Variants in DSG2 observed in about 807,000 individuals in gnomAD.
The protein encoded by DSG2 is desmoglein 2.
Under a neutral mutation model 75.6 loss-of-function variants are expected in DSG2, and 45 were observed. That is an observed-to-expected ratio of 0.60 (90% CI 0.47 to 0.76). The LOEUF (loss-of-function observed/expected upper bound fraction) is 0.76. DSG2 is among the 30% of genes least tolerant of loss of function. The pLI is 0.00. For synonymous variants in DSG2, 429 were observed against 483.9 expected (o/e 0.89, Z 1.49); for missense variants, 1,267 against 1,357.4 (o/e 0.93, Z 1.05).
At chr18:31,525,636 G>C (rs1421274605) in intron 8 of DSG2, among the ~76,000 whole-genome samples, 2 of 152,056 alleles carry the variant, frequency 1.3e-5, no homozygotes, top group Non-Finnish European at 2.9e-5. Flanking sequence ...TCATAAAACT[G>C]CATGCCAAAA....
intron 1 of DSG2, among the ~76,000 whole-genome samples, chr18:31,515,095 T>C (rs944239167): frequency 5.3e-5 from 8 of 152,158 alleles, no homozygotes; most frequent in South Asian, 4.1e-4. Flanking sequence ...GCAAGAAATA[T>C]ATTAAATTTT....
chr18:31,546,853 C>T lies in DSG2; in HGVS notation c.*110C>T, dbSNP rs2073316092. On this transcript the variant is annotated 3_prime_UTR_variant, in exon 15 of 15. Coordinates refer to ENST00000261590, the MANE Select transcript of DSG2 (RefSeq NM_001943.5). ...TTACAGACACACAGAGACACATACA[C>T]ATTGATCTTAAAATTTTTCTCAGTC... 8.2e-7 allele frequency: 1 copy of T among 1,225,702 alleles called. No individual in the cohort carries two copies. The highest frequency in any genetic ancestry group is 1.2e-6 in the Non-Finnish European group (1 of 835,530). The allele number at this position is 1,225,702 out of a possible 1,614,324, so 75.9% of individuals were successfully genotyped here.
In DSG2 at chr18:31,501,062, T is replaced by C. The variant is rs2073011072; in HGVS notation, c.45+2766T>C. Among the ~76,000 whole-genome samples the C allele has an allele frequency of 1.3e-5, 2 of 152,236 alleles. 1 individual carries two copies. The highest frequency in any genetic ancestry group is 4.1e-4 in the South Asian group (2 of 4,834). ...TACCATTTATTCTGAACATCACTAA[T>C]AGACTTTCTACTAGATCTTTTACTT... On this transcript the variant is annotated intron_variant, in intron 1 of 14. Transcript: ENST00000261590.
At chr18:31,511,548 T>C (rs868071748) in intron 1 of DSG2, among the ~76,000 whole-genome samples, 12 of 152,226 alleles carry the variant, frequency 7.9e-5, no homozygotes, top group African/African-American at 2.7e-4. Flanking sequence ...AGTTCCACAA[T>C]TGACAAAATG....
chr18:31,532,563 A>T (rs2073204918), intron 9 of DSG2, among the ~76,000 whole-genome samples: 1 of 152,190 alleles, frequency 6.6e-6, no homozygotes, highest in South Asian at 2.1e-4. Flanking sequence ...CCTTTTAGTG[A>T]ATCGCCTTTT....
intron 6 of DSG2, chr18:31,522,481 T>C (rs1568105853): frequency 2.5e-6 from 1 of 397,002 alleles, no homozygotes; most frequent in Non-Finnish European, 4.6e-6. Context: ...GAATGTGTAA[T>C]ATATGCACCA....
Position 31,498,223 on chromosome 18 carries a change from C to T in DSG2, c.-29C>T, listed in dbSNP as rs1407428508. ...GGGCAGGCGGCGGCGCGGAGCGGTG[C>T]GGCGGCGGGAGGCGGAGGCGAGGGT... On this transcript the variant is annotated 5_prime_UTR_variant, in exon 1 of 15. Coordinates refer to ENST00000261590, the MANE Select transcript of DSG2 (RefSeq NM_001943.5). 7.2e-6 allele frequency: 9 copies of T among 1,247,852 alleles called. No homozygotes were observed. Among genetic ancestry groups the T allele is most frequent in the Non-Finnish European group, 9.1e-6 (9 of 993,792 alleles). The allele number at this position is 1,247,852 out of a possible 1,614,324, so 77.3% of individuals were successfully genotyped here.
chr18:31,503,847 G>A (rs2073026108), intron 1 of DSG2, among the ~76,000 whole-genome samples: 1 of 152,102 alleles, frequency 6.6e-6, no homozygotes, highest in South Asian at 2.1e-4. Flanking sequence ...AGTGCCTGAG[G>A]ATGCCCCTGG....
rs377662063 is a variant in DSG2 at position 31,531,260 on chromosome 18, A to G, written c.1280+8A>G. On this transcript the variant is annotated splice_region_variant and intron_variant, in intron 9 of 14. Transcript: ENST00000261590. Reference sequence around the variant, plus strand: ...ACTACCAGCCCATGCAAGGTAAGAGAGAGTGACACGTGTATTTCTTTATTT... The same window carrying G: ...ACTACCAGCCCATGCAAGGTAAGAGGGAGTGACACGTGTATTTCTTTATTT... 2.1e-5 allele frequency: 34 copies of G among 1,613,906 alleles called. No homozygotes were observed. The highest frequency in any genetic ancestry group is 2.6e-5 in the Non-Finnish European group (31 of 1,179,962).
chr18:31,500,869 A>G (rs1039767098), intron 1 of DSG2, among the ~76,000 whole-genome samples: 43 of 152,250 alleles, frequency 2.8e-4, no homozygotes, highest in Non-Finnish European at 5.6e-4. Context: ...GAGTTCCTAG[A>G]GATGGCAAGG....
In DSG2 at chr18:31,546,711, A is replaced by G; in HGVS notation, c.3325A>G (p.Lys1109Glu). Residue 1109 changes from lysine (K) to glutamate (E), a missense_variant, in exon 15 of 15, where the codon AAG (lysine) becomes GAG (glutamate). Lys to Glu is a moderately conservative substitution (Grantham distance 56). Transcript: ENST00000261590. ...AACCACATCTTCCACCAGAGTTACC[A>G]AGCATAGCACTGTACAGCATTCTTA... ...TITTSSTRVT[K>E]HSTVQHSYS The G allele has an allele frequency of 2.5e-6, 4 of 1,614,174 alleles. No individual in the cohort carries two copies. Among genetic ancestry groups the G allele is most frequent in the Non-Finnish European group, 3.4e-6 (4 of 1,180,026 alleles).
chr18:31,531,244 C>A lies in DSG2; in HGVS notation c.1272C>A (p.Ala424=). The A allele has an allele frequency of 6.2e-7, 1 of 1,614,106 alleles. No homozygotes were observed. The highest frequency in any genetic ancestry group is 8.5e-7 in the Non-Finnish European group (1 of 1,180,004). The change falls in exon 9 of 15, where the codon GCC becomes GCA. Residue 424 remains alanine, a synonymous_variant. Coordinates refer to ENST00000261590, the MANE Select transcript of DSG2 (RefSeq NM_001943.5). ...TTGATGAGGACACTGGACTACCAGC[C>A]CATGCAAGGTAAGAGAGAGTGACAC... ...QAFDEDTGLP[A]HARYVKLEDR... is the part of the protein sequence containing the mutation.
intron 9 of DSG2, among the ~76,000 whole-genome samples, chr18:31,534,814 C>T (rs948213126): frequency 2.6e-5 from 4 of 151,974 alleles, no homozygotes; most frequent in African/African-American, 9.7e-5. Flanking sequence ...CTGGCCCCTG[C>T]GATCATTGAT....
intron 1 of DSG2, among the ~76,000 whole-genome samples, chr18:31,509,725 C>T (rs2073056901): frequency 1.3e-5 from 2 of 152,188 alleles, no homozygotes; most frequent in Non-Finnish European, 2.9e-5. Context: ...CTCACTGGTC[C>T]ACCCTGACTG....
At chr18:31,533,240 A>C (rs1367516623) in intron 9 of DSG2, among the ~76,000 whole-genome samples, 1 of 152,174 alleles carries the variant, frequency 6.6e-6, no homozygotes, top group Non-Finnish European at 1.5e-5. Flanking sequence ...AATCCGAGGC[A>C]GGAGGATCAC....
At chr18:31,509,068 A>C (rs894266856) in intron 1 of DSG2, among the ~76,000 whole-genome samples, 4 of 152,214 alleles carry the variant, frequency 2.6e-5, no homozygotes, top group Admixed American at 1.3e-4. Context: ...AGAAGATTAA[A>C]TATTAAAAAG....
At chr18:31,544,833 A>C (rs2073294074) in intron 14 of DSG2, among the ~76,000 whole-genome samples, 1 of 152,198 alleles carries the variant, frequency 6.6e-6, no homozygotes, top group Admixed American at 6.5e-5. Flanking sequence ...ATGAGAATGG[A>C]CAGAGTTGGA....
In DSG2 at chr18:31,522,123, G is replaced by A. The variant is rs1326016998; in HGVS notation, c.564G>A (p.Glu188=). 2 of 1,613,758 alleles carry A rather than the reference G, an allele frequency of 1.2e-6. No individual in the cohort carries two copies. Among genetic ancestry groups the A allele is most frequent in the Non-Finnish European group, 1.7e-6 (2 of 1,179,858 alleles). ...VMKINATDAD[E]PNTLNSKISY... Reference sequence around the variant, plus strand: ...AAATCAATGCAACAGATGCAGATGAGCCCAATACCCTGAATTCGAAAATTT... The same window carrying A: ...AAATCAATGCAACAGATGCAGATGAACCCAATACCCTGAATTCGAAAATTT... Residue 188 remains glutamate (E), a synonymous_variant, in exon 6 of 15, where the codon GAG becomes GAA. Transcript: ENST00000261590.
Position 31,546,771 on chromosome 18 carries a change from A to G in DSG2, c.*28A>G, listed in dbSNP as rs569977829. On this transcript the variant is annotated 3_prime_UTR_variant, in exon 15 of 15. Coordinates refer to ENST00000261590, the MANE Select transcript of DSG2 (RefSeq NM_001943.5). Reference sequence around the variant, plus strand: ...AGCAGTCAGCCACAAACTGACCCAGAGTTTAATTAGCAGTGACTAATTTCA... The same window carrying G: ...AGCAGTCAGCCACAAACTGACCCAGGGTTTAATTAGCAGTGACTAATTTCA... 6.2e-7 allele frequency: 1 copy of G among 1,606,608 alleles called. No homozygotes were observed. The highest frequency in any genetic ancestry group is 1.3e-5 in the African/African-American group (1 of 74,844).
Sources: allele counts gnomAD v4.1 joint callset (sites outside exome capture counted in the v4.1 genomes callset), GRCh38; gene constraint gnomAD v4.1.1; transcripts MANE v1.5; gene names NCBI Gene and HGNC (gene_info 2026-07-23, HGNC 2026-07-21).